BPIFB2: variants seen among roughly 807,000 people sequenced by gnomAD.
The protein encoded by BPIFB2 is BPI fold containing family B member 2, also known as BPI fold-containing family B member 2.
In BPIFB2, 39 loss-of-function variants were observed where a neutral mutation model predicts 50.1. The observed-to-expected ratio is 0.78, with a 90% CI of 0.60 to 1.02. BPIFB2 has a LOEUF of 1.02. BPIFB2 is among the 50% of genes least tolerant of loss of function. The pLI, the probability that BPIFB2 is intolerant of heterozygous loss-of-function variation, is 0.00. For synonymous variants in BPIFB2, 280 were observed against 256.3 expected (o/e 1.09, Z -0.88); for missense variants, 574 against 585.8 (o/e 0.98, Z 0.21).
chr20:33,015,531 A>G (rs1336221819), intron 6 of BPIFB2, 35 bp downstream of exon 6: 2 of 1,552,350 alleles, frequency 1.3e-6, no homozygotes, highest in Non-Finnish European at 1.8e-6. Context: ...AAAGGAGGGC[A>G]TGGCTTCACC....
At chr20:33,018,468 GT>G (rs1331716854) in intron 8 of BPIFB2, 118 bp downstream of exon 8, 20 of 1,283,602 alleles carry the variant, frequency 1.6e-5, no homozygotes, top group Non-Finnish European at 2.2e-5. Context: ...CTGGAATAGT[GT>G]CCCAGCCGGG....
rs780671565 is a variant in BPIFB2, at chr20:33,013,811, G to A, written c.310G>A (p.Ala104Thr). Residue 104 changes from alanine to threonine, a missense_variant and splice_region_variant, in exon 5 of 16, where the codon GCC becomes ACC. Ala to Thr is a moderately conservative substitution (Grantham distance 58). Coordinates refer to ENST00000170150, the MANE Select transcript of BPIFB2 (RefSeq NM_025227.3). Reference protein sequence around the residue: ...AANFTFKVFRAPEPLELTLPV... With the variant: ...AANFTFKVFRTPEPLELTLPV... ...GGCTCAGGACTGGCATCCCTACAGC[G>A]CCCCAGAGCCCCTGGAGCTGACGCT... 9.9e-6 allele frequency: 16 copies of A among 1,612,454 alleles called. No homozygotes were observed. The highest frequency in any genetic ancestry group is 4.0e-5 in the African/African-American group (3 of 74,894).
rs775903056 is a variant in BPIFB2, at chr20:33,021,755, G to A, written c.1291G>A (p.Val431Met). The change falls in exon 15 of 16, where the codon GTG becomes ATG. Residue 431 changes from valine (V) to methionine (M), a missense_variant. Val to Met is a conservative substitution (Grantham distance 21). Transcript: ENST00000170150. ...GGCCATGGGAATTGCCCTCCCTGGT[G>A]TGGTCAACCTCCACTATGTCGCCCC... ...LLAMGIALPG[V>M]VNLHYVAPEI... 6.2e-7 allele frequency: 1 copy of A among 1,614,162 alleles called. No homozygotes were observed. The highest frequency in any genetic ancestry group is 8.5e-7 in the Non-Finnish European group (1 of 1,180,028).
chr20:33,008,774 C>T, intron 2 of BPIFB2, 91 bp downstream of exon 2: 1 of 1,059,374 alleles, frequency 9.4e-7, no homozygotes, highest in South Asian at 1.8e-5. Flanking sequence ...CTCAAAAGGC[C>T]CATGAGGACC....
Position 33,008,640 on chromosome 20 carries a change from G to T in BPIFB2, c.66G>T (p.Thr22=). ...TGCTGCCCGTGGTCGGTGCCTCCAC[G>T]CCAGGCACCGTGGTCCGACTCAACA... ...ALLLPVVGAS[T]PGTVVRLNKA... Residue 22 remains threonine (T), a synonymous_variant, in exon 2 of 16, where the codon ACG becomes ACT. Coordinates refer to ENST00000170150, the MANE Select transcript of BPIFB2 (RefSeq NM_025227.3). 6.2e-7 allele frequency: 1 copy of T among 1,607,620 alleles called. No homozygotes were observed. The highest frequency in any genetic ancestry group is 8.5e-7 in the Non-Finnish European group (1 of 1,177,132).
rs1020972796 is a variant in BPIFB2, at chr20:33,020,681, G to A, written c.1194+94G>A. ...GATGGCTGTGTACATGTGCTGACCC[G>A]TGTGCCTGTGTGTGCCACTATAGTC... On this transcript the variant is annotated intron_variant, in intron 13 of 15. Transcript: ENST00000170150. 36 of 1,342,722 alleles carry A rather than the reference G, an allele frequency of 2.7e-5. 1 individual carries two copies. The highest frequency in any genetic ancestry group is 1.7e-4 in the South Asian group (11 of 64,234). The allele number at this position is 1,342,722 out of a possible 1,614,324, so 83.2% of individuals were successfully genotyped here. A position where few individuals can be genotyped will look rare whatever the true frequency, so the allele number is the denominator to read the frequency against.
At chr20:33,020,256 G>T in intron 11 of BPIFB2, 72 bp from the exon 12 acceptor site, 1 of 1,452,118 alleles carries the variant, frequency 6.9e-7, no homozygotes, top group Non-Finnish European at 9.6e-7. Flanking sequence ...CGGGGGATGG[G>T]TGGGAGGCTG....
intron 4 of BPIFB2, among the ~76,000 whole-genome samples, chr20:33,013,453 A>G (rs533822194): frequency 6.6e-6 from 1 of 152,248 alleles, no homozygotes; most frequent in South Asian, 2.1e-4. Flanking sequence ...TCACATGATT[A>G]TCTCACAGGA....
At position 33,013,814 on chromosome 20, in the gene BPIFB2, C is replaced by A. The variant is rs755594369; in HGVS notation, c.313C>A (p.Pro105Thr). The change falls in exon 5 of 16, where the codon CCA becomes ACA. Residue 105 changes from proline to threonine, a missense_variant. Transcript: ENST00000170150. ...TCAGGACTGGCATCCCTACAGCGCC[C>A]CAGAGCCCCTGGAGCTGACGCTGCC... ...ANFTFKVFRA[P>T]EPLELTLPVE... The A allele has an allele frequency of 1.9e-6, 3 of 1,613,060 alleles. No individual in the cohort carries two copies. The East Asian group carries it at 6.7e-5, about 36-fold the overall frequency.
intron 10 of BPIFB2, 40 bp from the exon 11 acceptor site, chr20:33,019,540 C>G: frequency 6.5e-7 from 1 of 1,537,736 alleles, no homozygotes; most frequent in Non-Finnish European, 8.8e-7. Context: ...GCCCGCCAGC[C>G]GCTGCCTCAG....
chr20:33,015,380 T>G (rs758483749), intron 5 of BPIFB2, 56 bp from the exon 6 acceptor site: 8 of 1,504,608 alleles, frequency 5.3e-6, no homozygotes, highest in Middle Eastern at 2.2e-4. Flanking sequence ...CTGTGCTGAG[T>G]GACGGGACTT....
chr20:33,015,705 T>A (rs1978401127), intron 6 of BPIFB2, among the ~76,000 whole-genome samples: 1 of 151,314 alleles, frequency 6.6e-6, no homozygotes, highest in Non-Finnish European at 1.5e-5. Context: ...GCAGAGTTTA[T>A]GGGGTTGGAG....
chr20:33,022,700 A>AG (rs2146356797), intron 15 of BPIFB2, among the ~76,000 whole-genome samples: 1 of 152,376 alleles, frequency 6.6e-6, no homozygotes, highest in Non-Finnish European at 1.5e-5. Flanking sequence ...AAATGTGGCT[A>AG]GTGCAACTGT....
intron 10 of BPIFB2, 62 bp from the exon 11 acceptor site, chr20:33,019,518 A>T: frequency 6.7e-7 from 1 of 1,491,842 alleles, no homozygotes. Flanking sequence ...TTGAGGAGTG[A>T]CTGACCAGAG....
chr20:33,020,674 C>G, intron 13 of BPIFB2, 87 bp downstream of exon 13: 1 of 1,431,640 alleles, frequency 7.0e-7, no homozygotes, highest in Non-Finnish European at 9.4e-7. Flanking sequence ...TGTACATGTG[C>G]TGACCCGTGT....
At chr20:33,021,943 T>C in intron 15 of BPIFB2, 144 bp downstream of exon 15, 1 of 795,512 alleles carries the variant, frequency 1.3e-6, no homozygotes. Context: ...AAGTCCAGGA[T>C]GCCAAGAGAT....
chr20:33,013,339 C>T (rs1271297173), intron 4 of BPIFB2, among the ~76,000 whole-genome samples: 1 of 152,158 alleles, frequency 6.6e-6, no homozygotes, highest in Non-Finnish European at 1.5e-5. Flanking sequence ...TTAATTTTCA[C>T]ACCATGAGCT....
At position 33,015,515 on chromosome 20, in the gene BPIFB2, T is replaced by C; in HGVS notation, c.516+19T>C. 1 of 1,596,024 alleles carries C rather than the reference T, an allele frequency of 6.3e-7. No individual in the cohort carries two copies. The highest frequency in any genetic ancestry group is 8.6e-7 in the Non-Finnish European group (1 of 1,165,724). ...TAACAAGGTAAAGGGCTTGCAGATT[T>C]CTCAGAAAGGAGGGCATGGCTTCAC... On this transcript the variant is annotated intron_variant, in intron 6 of 15. Coordinates refer to ENST00000170150, the MANE Select transcript of BPIFB2 (RefSeq NM_025227.3).
chr20:33,020,228 C>A (rs571393242), intron 11 of BPIFB2, 100 bp from the exon 12 acceptor site: 1 of 1,187,274 alleles, frequency 8.4e-7, no homozygotes, highest in Non-Finnish European at 1.2e-6. Flanking sequence ...TCCACAGACA[C>A]CTGCTGCCTG....
Sources: gnomAD v4.1 joint callset for allele counts (sites outside exome capture counted in the v4.1 genomes callset) on GRCh38, gnomAD v4.1.1 for gene constraint, MANE v1.5 for transcripts, NCBI Gene and HGNC (gene_info 2026-07-23, HGNC 2026-07-21) for gene names.